ALDH3A2: variants seen among roughly 807,000 people sequenced by gnomAD.
ALDH3A2 encodes the protein aldehyde dehydrogenase 3 family member A2.
In ALDH3A2, 36 loss-of-function variants were observed where a neutral mutation model predicts 51.3. That is an observed-to-expected ratio of 0.70 (90% CI 0.54 to 0.93). The LOEUF (loss-of-function observed/expected upper bound fraction) is 0.93, where lower values mean the gene tolerates loss of function less well. ALDH3A2 is among the 40% of genes least tolerant of loss of function. ALDH3A2 has a pLI of 0.00. For missense variants in ALDH3A2, 552 were observed against 603.1 expected, an observed-to-expected ratio of 0.92 and a Z score of 0.89; for synonymous variants, 199 against 219.8, an observed-to-expected ratio of 0.91 and a Z score of 0.84.
chr17:19,675,227 T>C (rs1260603531), intron 9 of ALDH3A2: 1 of 279,830 alleles, frequency 3.6e-6, no homozygotes, highest in Non-Finnish European at 6.6e-6. Flanking sequence ...TTCAGCTTCC[T>C]ACTGAAAATG....
rs572290606 is a variant in ALDH3A2 at position 19,661,019 on chromosome 17, G to C, written c.799-108G>C. ...CTTGAGGGGTGGGGTGTTAGATTCTGTGAGGATATAAAACCAGATTGATTT... is the reference window on the plus strand; with the variant it reads ...CTTGAGGGGTGGGGTGTTAGATTCTCTGAGGATATAAAACCAGATTGATTT... On this transcript the variant is annotated intron_variant, in intron 5 of 9. Transcript: ENST00000176643. 3.2e-4 allele frequency: 354 copies of C among 1,096,054 alleles called. 1 individual carries two copies. The African/African-American group carries it at 5.2e-3, about 16-fold the overall frequency. The allele number at this position is 1,096,054 out of a possible 1,614,324, so 67.9% of individuals were successfully genotyped here. A position where few individuals can be genotyped will look rare whatever the true frequency, so the allele number is the denominator to read the frequency against.
intron 2 of ALDH3A2, among the ~76,000 whole-genome samples, chr17:19,652,018 T>C (rs1368379810): frequency 6.6e-6 from 1 of 152,194 alleles, no homozygotes; most frequent in Non-Finnish European, 1.5e-5. Context: ...TAAAGATGTG[T>C]GAGTCAGCAG....
rs1419828659 is a variant in ALDH3A2 at position 19,676,584 on chromosome 17, C to T, written c.*1012C>T. ...AGGAGGATTGATTGAGCCTGCGAGG[C>T]CAAGGCTGCAGCAGGCTGTGATTGC... On this transcript the variant is annotated 3_prime_UTR_variant, in exon 10 of 10. Transcript: ENST00000176643. 2.0e-5 allele frequency: 3 copies of T among 152,152 alleles called. No homozygotes were observed. Among genetic ancestry groups the T allele is most frequent in the Non-Finnish European group, 2.9e-5 (2 of 68,040 alleles). The allele number at this position is 152,152 out of a possible 1,614,324, so 9.4% of individuals were successfully genotyped here. A position where few individuals can be genotyped will look rare whatever the true frequency, so the allele number is the denominator to read the frequency against.
At chr17:19,669,829 G>A (rs775893617) in intron 8 of ALDH3A2, among the ~76,000 whole-genome samples, 5 of 152,012 alleles carry the variant, frequency 3.3e-5, no homozygotes, top group South Asian at 4.2e-4. Context: ...GTATAGAGGC[G>A]GGGTCTCACT....
intron 3 of ALDH3A2, among the ~76,000 whole-genome samples, chr17:19,652,949 ATG>A: frequency 6.6e-6 from 1 of 152,102 alleles, no homozygotes; most frequent in African/African-American, 2.4e-5. Flanking sequence ...GGATTATTTA[ATG>A]AGGGACTGGT....
chr17:19,673,386 G>GTTTT, intron 9 of ALDH3A2: 1 of 1,194,338 alleles, frequency 8.4e-7, no homozygotes, highest in Non-Finnish European at 1.1e-6. Flanking sequence ...TTTTATTTTT[G>GTTTT]TTTTTTTTTT....
chr17:19,665,105 A>G, intron 8 of ALDH3A2, 58 bp downstream of exon 8: 2 of 1,445,162 alleles, frequency 1.4e-6, no homozygotes, highest in Admixed American at 3.3e-5. Flanking sequence ...CCATTTCATG[A>G]GTGGATTGTA....
At chr17:19,658,815 G>A (rs1421154198) in intron 5 of ALDH3A2, among the ~76,000 whole-genome samples, 1 of 151,888 alleles carries the variant, frequency 6.6e-6, no homozygotes, top group Non-Finnish European at 1.5e-5. Context: ...AGCAGTGGGT[G>A]AGGATCATTA....
chr17:19,677,544 T>C lies in ALDH3A2; in HGVS notation c.*1972T>C, dbSNP rs1326050241. 1 of 152,160 alleles carries C rather than the reference T, an allele frequency of 6.6e-6. No homozygotes were observed. The highest frequency in any genetic ancestry group is 6.5e-5 in the Admixed American group (1 of 15,280). The allele number at this position is 152,160 out of a possible 1,614,324, so 9.4% of individuals were successfully genotyped here. A position where few individuals can be genotyped will look rare whatever the true frequency, so the allele number is the denominator to read the frequency against. On this transcript the variant is annotated 3_prime_UTR_variant, in exon 10 of 10. Transcript: ENST00000176643. ...CTCAGATATACCCTATTGGAGACAA[T>C]CCTTTGATCATAAATTCTCCCCAAC...
Position 19,676,233 on chromosome 17 carries a change from T to C in ALDH3A2, c.*661T>C, listed in dbSNP as rs891832595. 6.6e-6 allele frequency: 1 copy of C among 152,494 alleles called. No homozygotes were observed. The highest frequency in any genetic ancestry group is 2.4e-5 in the African/African-American group (1 of 41,470). The allele number at this position is 152,494 out of a possible 1,614,324, so 9.4% of individuals were successfully genotyped here. A position where few individuals can be genotyped will look rare whatever the true frequency, so the allele number is the denominator to read the frequency against. ...TTGCAACAATCTCTTGTGACTAATG[T>C]CACTCAAAGCATCTTGTAAATCCTA... is the stretch of plus-strand genomic sequence containing the variant. On this transcript the variant is annotated 3_prime_UTR_variant, in exon 10 of 10. Coordinates refer to ENST00000176643, the MANE Select transcript of ALDH3A2 (RefSeq NM_000382.3).
rs982351987 is a variant in ALDH3A2 at position 19,672,063 on chromosome 17, G to A, written c.1443+107G>A. 15 of 1,112,548 alleles carry A rather than the reference G, an allele frequency of 1.3e-5. No homozygotes were observed. In the South Asian group the frequency reaches 1.5e-4, roughly 11 times the overall value. The allele number at this position is 1,112,548 out of a possible 1,614,324, so 68.9% of individuals were successfully genotyped here. On this transcript the variant is annotated intron_variant, in intron 9 of 9. Transcript: ENST00000176643. ...CATTAACTTGTAGAGTCTAAGACAG[G>A]GTCAGTGAACCACAGCCTGCTGGCC...
chr17:19,673,099 T>G, intron 9 of ALDH3A2: 2 of 1,612,752 alleles, frequency 1.2e-6, no homozygotes, highest in Non-Finnish European at 1.7e-6. Flanking sequence ...TATCCCAGCC[T>G]TAGTGGAATT....
Position 19,653,770 on chromosome 17 carries a change from C to G in ALDH3A2, c.471+1138C>G, listed in dbSNP as rs1231023721. On this transcript the variant is annotated intron_variant, in intron 3 of 9. Transcript: ENST00000176643. Reference sequence around the variant, plus strand: ...AAGCTTCCACAGTGTCAAAGGGGACCCGAGCAGGTTGCCGCTGCTGGCTTG... The same window carrying G: ...AAGCTTCCACAGTGTCAAAGGGGACGCGAGCAGGTTGCCGCTGCTGGCTTG... Among the ~76,000 whole-genome samples the G allele has an allele frequency of 3.3e-5, 5 of 152,276 alleles. No homozygotes were observed. In the East Asian group the frequency reaches 9.7e-4, roughly 29 times the overall value.
At chr17:19,652,189 A>G (rs1266341782) in intron 2 of ALDH3A2, among the ~76,000 whole-genome samples, 2 of 152,236 alleles carry the variant, frequency 1.3e-5, no homozygotes, top group Non-Finnish European at 1.5e-5. Context: ...CAGGAGATTA[A>G]TTTCTCACTT....
chr17:19,650,574 C>G (rs970742030), intron 1 of ALDH3A2, among the ~76,000 whole-genome samples: 1 of 152,164 alleles, frequency 6.6e-6, no homozygotes, highest in Non-Finnish European at 1.5e-5. Context: ...CTGCCTCAGC[C>G]TCCCAAGTAG....
At chr17:19,655,840 C>T (rs2084887112) in intron 3 of ALDH3A2, among the ~76,000 whole-genome samples, 1 of 152,182 alleles carries the variant, frequency 6.6e-6, no homozygotes, top group South Asian at 2.1e-4. Context: ...CAGTAGCTTG[C>T]CTAAGGTTGC....
At chr17:19,651,883 T>C in intron 2 of ALDH3A2, 105 bp downstream of exon 2, 1 of 1,066,496 alleles carries the variant, frequency 9.4e-7, no homozygotes, top group Non-Finnish European at 1.4e-6. Flanking sequence ...ACTTGGTGAT[T>C]TGCCTTTGTT....
chr17:19,649,162 C>G, intron 1 of ALDH3A2, 38 bp downstream of exon 1: 1 of 1,541,356 alleles, frequency 6.5e-7, no homozygotes, highest in Non-Finnish European at 8.8e-7. Context: ...GAAACTGGCC[C>G]CCGCCGCGCA....
intron 8 of ALDH3A2, among the ~76,000 whole-genome samples, chr17:19,670,912 T>C (rs933342714): frequency 1.3e-5 from 2 of 152,262 alleles, no homozygotes; most frequent in Non-Finnish European, 1.5e-5. Flanking sequence ...CATGGTCTTG[T>C]CCTTGGGTCT....
Sources: allele counts gnomAD v4.1 joint callset (sites outside exome capture counted in the v4.1 genomes callset), GRCh38; gene constraint gnomAD v4.1.1; transcripts MANE v1.5; gene names NCBI Gene and HGNC (gene_info 2026-07-23, HGNC 2026-07-21).